ST18: variants seen among roughly 807,000 people sequenced by gnomAD.
ST18 encodes suppression of tumorigenicity 18 protein.
In ST18, 50 loss-of-function variants were observed where a neutral mutation model predicts 110.0. That is an observed-to-expected ratio of 0.45 (90% CI 0.36 to 0.58). The LOEUF (loss-of-function observed/expected upper bound fraction) is 0.58, where lower values mean the gene tolerates loss of function less well. ST18 is among the 20% of genes least tolerant of loss of function. The pLI is 0.00. For missense variants in ST18, 1,306 were observed against 1,280.1 expected, an observed-to-expected ratio of 1.02 and a Z score of -0.31; for synonymous variants, 461 against 452.4, an observed-to-expected ratio of 1.02 and a Z score of -0.24.
At chr8:52,152,067 C>T (rs886175565) in intron 15 of ST18, among the ~76,000 whole-genome samples, 1 of 152,170 alleles carries the variant, frequency 6.6e-6, no homozygotes, top group African/African-American at 2.4e-5. Flanking sequence ...TCAATTACTC[C>T]TAATGTTTAA....
intron 2 of ST18, among the ~76,000 whole-genome samples, chr8:52,358,611 A>G (rs2140414439): frequency 6.6e-6 from 1 of 152,112 alleles, no homozygotes; most frequent in African/African-American, 2.4e-5. Flanking sequence ...AAATGGAAAC[A>G]TTTCTAGAAA....
chr8:52,385,461 G>T (rs577403813), intron 2 of ST18, among the ~76,000 whole-genome samples: 2 of 152,074 alleles, frequency 1.3e-5, no homozygotes, highest in African/African-American at 4.8e-5. Flanking sequence ...TTAGCTGGGC[G>T]TGATGGCAGG....
chr8:52,261,056 C>G (rs1022500036), intron 2 of ST18, among the ~76,000 whole-genome samples: 1 of 152,168 alleles, frequency 6.6e-6, no homozygotes, highest in Admixed American at 6.5e-5. Flanking sequence ...ACCAACAAGC[C>G]TGTTGGCCAA....
chr8:52,307,186 A>G (rs1370082144), intron 2 of ST18, among the ~76,000 whole-genome samples: 1 of 152,148 alleles, frequency 6.6e-6, no homozygotes, highest in African/African-American at 2.4e-5. Flanking sequence ...AACTTGACTT[A>G]AGAAGAAAAT....
At chr8:52,169,133 G>C (rs1435885173) in intron 10 of ST18, among the ~76,000 whole-genome samples, 1 of 152,124 alleles carries the variant, frequency 6.6e-6, no homozygotes, top group Non-Finnish European at 1.5e-5. Flanking sequence ...CCCTTTGTCT[G>C]TAAGTCCCTC....
chr8:52,178,701 A>T (rs2068099292), intron 9 of ST18, among the ~76,000 whole-genome samples: 1 of 151,598 alleles, frequency 6.6e-6, no homozygotes, highest in East Asian at 1.9e-4. Context: ...CAACAACAAC[A>T]AAACAAATAA....
At chr8:52,378,031 T>C (rs1270784153) in intron 2 of ST18, among the ~76,000 whole-genome samples, 2 of 152,172 alleles carry the variant, frequency 1.3e-5, no homozygotes, top group African/African-American at 4.8e-5. Flanking sequence ...TCACATGTAC[T>C]CACTTATTCG....
chr8:52,170,247 C>A (rs2064358226), intron 10 of ST18, among the ~76,000 whole-genome samples: 1 of 152,226 alleles, frequency 6.6e-6, no homozygotes, highest in South Asian at 2.1e-4. Flanking sequence ...GCGGATGGAT[C>A]ATGTTCCAGA....
intron 8 of ST18, among the ~76,000 whole-genome samples, chr8:52,211,843 C>T (rs536025009): frequency 6.6e-6 from 1 of 152,266 alleles, no homozygotes; most frequent in Non-Finnish European, 1.5e-5. Context: ...CCACTCACAT[C>T]ACAGCAAAAA....
intron 2 of ST18, among the ~76,000 whole-genome samples, chr8:52,340,158 C>T (rs1352204181): frequency 6.6e-6 from 1 of 152,248 alleles, no homozygotes; most frequent in African/African-American, 2.4e-5. Flanking sequence ...TCTTTTGGCA[C>T]ACAGCCAGGG....
intron 2 of ST18, among the ~76,000 whole-genome samples, chr8:52,340,527 G>T (rs1042486695): frequency 6.6e-6 from 1 of 152,146 alleles, no homozygotes; most frequent in Non-Finnish European, 1.5e-5. Flanking sequence ...AGTCTATCAC[G>T]GGGTTTTCAT....
At chr8:52,311,833 G>C (rs761997210) in intron 2 of ST18, among the ~76,000 whole-genome samples, 2 of 152,188 alleles carry the variant, frequency 1.3e-5, no homozygotes, top group South Asian at 2.1e-4. Context: ...GGGATTAGGG[G>C]ACTTTGGGGA....
intron 2 of ST18, among the ~76,000 whole-genome samples, chr8:52,370,849 CA>C (rs1383911378): frequency 6.6e-6 from 1 of 152,104 alleles, no homozygotes. Context: ...AGATCCCCAC[CA>C]ATTAATTTTT....
At chr8:52,144,760 G>A (rs1371614023) in intron 16 of ST18, among the ~76,000 whole-genome samples, 1 of 152,140 alleles carries the variant, frequency 6.6e-6, no homozygotes, top group Non-Finnish European at 1.5e-5. Context: ...ACACTAGGAT[G>A]CAAAGAGAAG....
At chr8:52,310,117 G>A (rs913359840) in intron 2 of ST18, among the ~76,000 whole-genome samples, 2 of 152,090 alleles carry the variant, frequency 1.3e-5, no homozygotes, top group African/African-American at 2.4e-5. Flanking sequence ...TGTACCCATG[G>A]CACTGCAATG....
intron 24 of ST18, 99 bp from the exon 25 acceptor site, chr8:52,116,517 A>G: frequency 8.2e-7 from 1 of 1,215,514 alleles, no homozygotes; most frequent in Non-Finnish European, 1.2e-6. Flanking sequence ...TCTGAATACT[A>G]AGAGATGCAG....
chr8:52,173,292 C>A (rs2065657409), intron 9 of ST18, among the ~76,000 whole-genome samples: 1 of 152,192 alleles, frequency 6.6e-6, no homozygotes, highest in Admixed American at 6.5e-5. Context: ...CCATTACTTG[C>A]ATGCACTTGT....
intron 7 of ST18, among the ~76,000 whole-genome samples, chr8:52,213,858 CT>C (rs1212110938): frequency 2.0e-5 from 3 of 152,192 alleles, no homozygotes; most frequent in Non-Finnish European, 4.4e-5. Context: ...ACAATTCTGT[CT>C]TTTCCCTTGG....
chr8:52,239,518 G>A (rs903653137), intron 2 of ST18, among the ~76,000 whole-genome samples: 8 of 152,088 alleles, frequency 5.3e-5, no homozygotes, highest in Admixed American at 2.6e-4. Context: ...AATTGGGTAT[G>A]AGAAGATGAG....
Sources: allele counts gnomAD v4.1 joint callset (sites outside exome capture counted in the v4.1 genomes callset), GRCh38; gene constraint gnomAD v4.1.1; transcripts MANE v1.5; gene names NCBI Gene and HGNC (gene_info 2026-07-23, HGNC 2026-07-21).